PDZRN4: variants seen among roughly 807,000 people sequenced by gnomAD.
PDZRN4 encodes the protein PDZ domain-containing RING finger protein 4.
PDZRN4 carries 70 observed loss-of-function variants against 99.0 expected under a neutral mutation model. That is an observed-to-expected ratio of 0.71 (90% confidence interval 0.58 to 0.86). The LOEUF (loss-of-function observed/expected upper bound fraction) is 0.86. PDZRN4 is among the 40% of genes least tolerant of loss of function. The probability of loss-of-function intolerance (pLI) is 0.00; values close to 1 mark genes in which losing one functional copy is unlikely to be tolerated. For synonymous variants in PDZRN4, 551 were observed against 501.6 expected, an observed-to-expected ratio of 1.10 and a Z score of -1.32; for missense variants, 1,474 against 1,331.2, an observed-to-expected ratio of 1.11 and a Z score of -1.67.
chr12:41,247,463 A>G (rs1951140565), intron 3 of PDZRN4, among the ~76,000 whole-genome samples: 1 of 152,180 alleles, frequency 6.6e-6, no homozygotes. Flanking sequence ...TACCCAATAT[A>G]AGTTGATTGA....
At chr12:41,238,276 C>T (rs1157302168) in intron 3 of PDZRN4, among the ~76,000 whole-genome samples, 1 of 152,008 alleles carries the variant, frequency 6.6e-6, no homozygotes, top group East Asian at 1.9e-4. Context: ...CTCTGCTTGC[C>T]TGCTGTTGAT....
chr12:41,360,219 A>G (rs1226206678), intron 3 of PDZRN4, among the ~76,000 whole-genome samples: 1 of 152,048 alleles, frequency 6.6e-6, no homozygotes, highest in Non-Finnish European at 1.5e-5. Context: ...ATGTTCATAG[A>G]GCTGAACATA....
intron 3 of PDZRN4, among the ~76,000 whole-genome samples, chr12:41,351,984 T>TAAATAAATAAATAAAC (rs1951893443): frequency 6.8e-6 from 1 of 147,056 alleles, no homozygotes; most frequent in African/African-American, 2.6e-5. Flanking sequence ...TGTCTCAAAA[T>TAAATAAATAAATAAAC]AAATAAATAA....
At chr12:41,335,415 A>T (rs1951766229) in intron 3 of PDZRN4, among the ~76,000 whole-genome samples, 1 of 152,088 alleles carries the variant, frequency 6.6e-6, no homozygotes, top group African/African-American at 2.4e-5. Context: ...GTTATTGCAC[A>T]TCACAAATGT....
At chr12:41,435,131 A>C (rs1015139080) in intron 3 of PDZRN4, among the ~76,000 whole-genome samples, 2 of 152,190 alleles carry the variant, frequency 1.3e-5, no homozygotes, top group Admixed American at 1.3e-4. Flanking sequence ...TTGCTTCCTG[A>C]GATAGAAACA....
At chr12:41,318,599 C>T (rs528596371) in intron 3 of PDZRN4, among the ~76,000 whole-genome samples, 1 of 152,298 alleles carries the variant, frequency 6.6e-6, no homozygotes, top group South Asian at 2.1e-4. Context: ...ACTGTGCCTA[C>T]CAGCCAAGAG....
chr12:41,313,594 T>A (rs534245065), intron 3 of PDZRN4, among the ~76,000 whole-genome samples: 11 of 152,244 alleles, frequency 7.2e-5, no homozygotes, highest in South Asian at 6.2e-4. Flanking sequence ...AATAGGCACC[T>A]CTGTTGAGAT....
At chr12:41,481,684 T>A (rs892751553) in intron 3 of PDZRN4, among the ~76,000 whole-genome samples, 12 of 151,918 alleles carry the variant, frequency 7.9e-5, no homozygotes, top group African/African-American at 2.9e-4. Flanking sequence ...ATCTTGAGAG[T>A]TTTTTCAGCC....
chr12:41,340,433 G>A (rs543796536), intron 3 of PDZRN4, among the ~76,000 whole-genome samples: 2 of 152,034 alleles, frequency 1.3e-5, no homozygotes, highest in Non-Finnish European at 2.9e-5. Context: ...AGGCTGGGAA[G>A]GGTAGTGAGG....
intron 3 of PDZRN4, among the ~76,000 whole-genome samples, chr12:41,454,917 A>G (rs2120514212): frequency 6.6e-6 from 1 of 152,384 alleles, no homozygotes; most frequent in African/African-American, 2.4e-5. Flanking sequence ...CTAGCCACAT[A>G]GGACTGTTGA....
intron 3 of PDZRN4, among the ~76,000 whole-genome samples, chr12:41,397,023 C>T (rs553844788): frequency 2.0e-5 from 3 of 152,084 alleles, no homozygotes; most frequent in African/African-American, 7.2e-5. Flanking sequence ...TTCCCAAATA[C>T]AGTTTTTATA....
chr12:41,366,103 T>C (rs1951998387), intron 3 of PDZRN4, among the ~76,000 whole-genome samples: 1 of 152,108 alleles, frequency 6.6e-6, no homozygotes. Flanking sequence ...GAGCAAGGTA[T>C]TTTCCCATTC....
intron 3 of PDZRN4, among the ~76,000 whole-genome samples, chr12:41,254,125 T>C (rs1951189050): frequency 6.6e-6 from 1 of 152,018 alleles, no homozygotes; most frequent in African/African-American, 2.4e-5. Context: ...ATTAAATATG[T>C]GTATTTTACC....
At chr12:41,394,365 C>T (rs1952231387) in intron 3 of PDZRN4, among the ~76,000 whole-genome samples, 1 of 152,096 alleles carries the variant, frequency 6.6e-6, no homozygotes, top group Admixed American at 6.6e-5. Context: ...GAGTGACAGC[C>T]TTCTAAGAGA....
intron 3 of PDZRN4, among the ~76,000 whole-genome samples, chr12:41,202,349 A>T (rs943573563): frequency 6.6e-6 from 1 of 152,208 alleles, no homozygotes; most frequent in Non-Finnish European, 1.5e-5. Flanking sequence ...TCGTAAGTAC[A>T]TGCTGTTGTA....
At chr12:41,216,306 C>G (rs1232329103) in intron 3 of PDZRN4, among the ~76,000 whole-genome samples, 2 of 151,894 alleles carry the variant, frequency 1.3e-5, no homozygotes, top group Non-Finnish European at 2.9e-5. Context: ...CAAATTCTTA[C>G]ATAATCAGTG....
chr12:41,201,795 T>C (rs1950817812), intron 3 of PDZRN4, among the ~76,000 whole-genome samples: 1 of 152,150 alleles, frequency 6.6e-6, no homozygotes, highest in Non-Finnish European at 1.5e-5. Flanking sequence ...CTCGAAAATC[T>C]AGCCACAATG....
At chr12:41,386,685 G>A (rs1035898687) in intron 3 of PDZRN4, among the ~76,000 whole-genome samples, 1 of 152,122 alleles carries the variant, frequency 6.6e-6, no homozygotes, top group African/African-American at 2.4e-5. Context: ...TAAGCAAAAA[G>A]AACAAAGCTG....
chr12:41,211,771 C>G (rs1007836314), intron 3 of PDZRN4, among the ~76,000 whole-genome samples: 70 of 152,046 alleles, frequency 4.6e-4, no homozygotes, highest in African/African-American at 1.6e-3. Flanking sequence ...ATAAAAGCCA[C>G]TTATACTAGC....
Sources: allele counts gnomAD v4.1 joint callset (sites outside exome capture counted in the v4.1 genomes callset), GRCh38; gene constraint gnomAD v4.1.1; transcripts MANE v1.5; gene names NCBI Gene and HGNC (gene_info 2026-07-23, HGNC 2026-07-21).